Variants in LRRIQ1 observed in about 807,000 individuals in gnomAD.
LRRIQ1 encodes leucine-rich repeat- and IQ domain-containing protein 1.
A neutral mutation model predicts 211.9 loss-of-function variants in LRRIQ1; 210 were observed. The ratio of observed to expected loss-of-function variants is 0.99; its 90% CI spans 0.89 to 1.11. The LOEUF is 1.11. LRRIQ1 is among the 50% of genes most tolerant of loss of function. LRRIQ1 has a pLI of 0.00. For missense variants in LRRIQ1, 2,136 were observed against 1,939.5 expected, an observed-to-expected ratio of 1.10 and a Z score of -1.90; for synonymous variants, 699 against 650.1, an observed-to-expected ratio of 1.08 and a Z score of -1.14.
intron 24 of LRRIQ1, among the ~76,000 whole-genome samples, chr12:85,228,044 T>C (rs1049303420): frequency 6.6e-6 from 1 of 152,062 alleles, no homozygotes; most frequent in Non-Finnish European, 1.5e-5. Flanking sequence ...AAGACTTAAA[T>C]ATTAGACCTA....
downstream of LRRIQ1, among the ~76,000 whole-genome samples, chr12:85,268,444 A>G (rs1351246576): frequency 6.6e-6 from 1 of 152,000 alleles, no homozygotes; most frequent in Non-Finnish European, 1.5e-5. Flanking sequence ...TTCCACCACC[A>G]GGATCCCAAA....
intron 24 of LRRIQ1, among the ~76,000 whole-genome samples, chr12:85,202,574 G>T (rs1431154983): frequency 6.6e-6 from 1 of 152,122 alleles, no homozygotes; most frequent in Non-Finnish European, 1.5e-5. Flanking sequence ...CTGGTTTAAA[G>T]TCTATTTTGT....
At position 85,250,874 on chromosome 12, in the gene LRRIQ1, T is replaced by TATATAATATATTTTA. The variant is rs1290823412; in HGVS notation, c.121+5965_121+5966insATATAATATATTTTA. Among the ~76,000 whole-genome samples, 4 of 54,962 alleles carry TATATAATATATTTTA rather than the reference T, an allele frequency of 7.3e-5. No homozygotes were observed. The Admixed American group carries it at 9.7e-4, about 13-fold the overall frequency. 36.1% of individuals were successfully genotyped at this position (54,962 alleles called of 152,430 possible). On this transcript the variant is annotated intron_variant, in intron 1 of 1. Transcript: ENST00000602731. ...TATAATATATATTATAGATTATATA[T>TATATAATATATTTTA]TATATTATATATAATATATTTTATA...
intron 24 of LRRIQ1, among the ~76,000 whole-genome samples, chr12:85,192,725 A>G (rs1892621461): frequency 9.7e-6 from 1 of 102,688 alleles, no homozygotes; most frequent in Non-Finnish European, 1.7e-5. Flanking sequence ...ATAAATATAT[A>G]TAGTTATATA....
chr12:85,091,267 G>A (rs568309094), intron 11 of LRRIQ1, among the ~76,000 whole-genome samples: 5 of 152,092 alleles, frequency 3.3e-5, no homozygotes, highest in South Asian at 4.1e-4. Context: ...TTTATTTATA[G>A]CAATGCAAGA....
intron 24 of LRRIQ1, among the ~76,000 whole-genome samples, chr12:85,200,046 A>G (rs1893213776): frequency 6.6e-6 from 1 of 152,190 alleles, no homozygotes; most frequent in Non-Finnish European, 1.5e-5. Context: ...TTGAATCTGT[A>G]AATTGCTTTG....
intron 24 of LRRIQ1, among the ~76,000 whole-genome samples, chr12:85,180,919 G>A (rs996768472): frequency 6.6e-6 from 1 of 151,598 alleles, no homozygotes; most frequent in African/African-American, 2.4e-5. Flanking sequence ...CAATGGAAAG[G>A]AATTTTCTCG....
intron 8 of LRRIQ1, among the ~76,000 whole-genome samples, chr12:85,060,140 G>C (rs1459832053): frequency 6.6e-6 from 1 of 151,810 alleles, no homozygotes; most frequent in Non-Finnish European, 1.5e-5. Flanking sequence ...TTAAAATGCT[G>C]TATGTAAAGA....
intron 15 of LRRIQ1, among the ~76,000 whole-genome samples, chr12:85,114,733 A>G (rs1170731419): frequency 6.6e-6 from 1 of 152,162 alleles, no homozygotes; most frequent in Non-Finnish European, 1.5e-5. Context: ...ACTTTTCTGG[A>G]CTAGAGTAAT....
downstream of LRRIQ1, among the ~76,000 whole-genome samples, chr12:85,249,643 GA>G (rs1895843969): frequency 6.6e-6 from 1 of 151,776 alleles, no homozygotes. Flanking sequence ...TACATTAAGT[GA>G]ATAAATGAAT....
intron 18 of LRRIQ1, among the ~76,000 whole-genome samples, chr12:85,129,247 G>A (rs11116720): frequency 0.28 from 42,049 of 151,922 alleles, 5,961 homozygotes; most frequent in Admixed American, 0.33. Flanking sequence ...TTCTAGGCTC[G>A]GGAAATAAAA....
chr12:85,073,316 G>A (rs1211896593), intron 11 of LRRIQ1, among the ~76,000 whole-genome samples: 2 of 151,884 alleles, frequency 1.3e-5, no homozygotes, highest in Non-Finnish European at 2.9e-5. Flanking sequence ...ATTTGCCTGC[G>A]TTCTTGTGCT....
At chr12:85,203,921 T>G (rs1893416084) in intron 24 of LRRIQ1, among the ~76,000 whole-genome samples, 1 of 152,084 alleles carries the variant, frequency 6.6e-6, no homozygotes, top group Non-Finnish European at 1.5e-5. Flanking sequence ...GACCCAAATG[T>G]TAACCCCCAA....
intron 19 of LRRIQ1, among the ~76,000 whole-genome samples, chr12:85,143,082 G>A (rs1889653151): frequency 6.6e-6 from 1 of 151,708 alleles, no homozygotes. Flanking sequence ...CTAACAGTGT[G>A]TGAGGGTTCC....
At chr12:85,078,316 T>A (rs1883897024) in intron 11 of LRRIQ1, among the ~76,000 whole-genome samples, 3 of 152,110 alleles carry the variant, frequency 2.0e-5, no homozygotes, top group Admixed American at 6.6e-5. Context: ...TTATTTTTAA[T>A]CCTCATAATG....
intron 15 of LRRIQ1, 28 bp downstream of exon 15, chr12:85,106,643 A>G: frequency 2.1e-6 from 3 of 1,422,092 alleles, no homozygotes; most frequent in Non-Finnish European, 3.0e-6. Context: ...CACCCCATGT[A>G]TATCCATTAT....
chr12:85,171,442 C>A lies in LRRIQ1; in HGVS notation c.4822+10728C>A, dbSNP rs373665220. 9.9e-5 allele frequency among the ~76,000 whole-genome samples: 15 copies of A among 152,194 alleles called. 1 individual carries two copies. Among genetic ancestry groups the A allele is most frequent in the African/African-American group, 3.6e-4 (15 of 41,548 alleles). On this transcript the variant is annotated intron_variant, in intron 24 of 26. Transcript: ENST00000393217. ...ATAAAGAAAATATATACAATAAAAA[C>A]CACATCTTGGCATATCATCATAAAA...
chr12:85,216,197 G>A (rs1894071850), intron 24 of LRRIQ1, among the ~76,000 whole-genome samples: 1 of 152,092 alleles, frequency 6.6e-6, no homozygotes, highest in South Asian at 2.1e-4. Flanking sequence ...ACAGGCCCCG[G>A]TGTGTGATGT....
rs963607654 is a variant in LRRIQ1, at chr12:85,091,413, T to C, written c.2888-6942T>C. ...GTATTTTAGACCTTTGTCAGATGTA[T>C]AGTTTGGGAATATTTTCTCCTATTC... On this transcript the variant is annotated intron_variant, in intron 11 of 26. Transcript: ENST00000393217. Among the ~76,000 whole-genome samples the C allele has an allele frequency of 3.9e-5, 6 of 152,182 alleles. No individual in the cohort carries two copies. The East Asian group carries it at 5.8e-4, about 15-fold the overall frequency.
Sources: allele counts gnomAD v4.1 joint callset (sites outside exome capture counted in the v4.1 genomes callset), GRCh38; gene constraint gnomAD v4.1.1; transcripts MANE v1.5; gene names NCBI Gene and HGNC (gene_info 2026-07-23, HGNC 2026-07-21).